Variants in AGBL1 observed in about 807,000 individuals in gnomAD.
The protein encoded by AGBL1 is cytosolic carboxypeptidase 4.
Under a neutral mutation model 118.9 loss-of-function variants are expected in AGBL1, and 130 were observed. That is an observed-to-expected ratio of 1.09 (90% CI 0.95 to 1.26). AGBL1 has a LOEUF of 1.26. Ranked by LOEUF, AGBL1 falls within the 50% of genes most tolerant of loss-of-function variation. The probability of loss-of-function intolerance (pLI) is 0.00; values close to 1 mark genes in which losing one functional copy is unlikely to be tolerated. For synonymous variants in AGBL1, 555 were observed against 478.9 expected (o/e 1.16, Z -2.08); for missense variants, 1,584 against 1,298.1 (o/e 1.22, Z -3.38).
At chr15:86,088,830 G>A (rs1468237574) in intron 1 of AGBL1, among the ~76,000 whole-genome samples, 4 of 151,998 alleles carry the variant, frequency 2.6e-5, no homozygotes, top group Non-Finnish European at 5.9e-5. Context: ...ATTAGCTACC[G>A]GGTCACTGTA....
chr15:86,260,137 T>C (rs757852848), intron 9 of AGBL1, among the ~76,000 whole-genome samples: 3 of 152,184 alleles, frequency 2.0e-5, no homozygotes, highest in Non-Finnish European at 4.4e-5. Context: ...AGGGCTCAAA[T>C]TGGAGGCACA....
chr15:86,702,673 C>T (rs969526292), intron 22 of AGBL1, among the ~76,000 whole-genome samples: 1 of 152,116 alleles, frequency 6.6e-6, no homozygotes, highest in Non-Finnish European at 1.5e-5. Flanking sequence ...TTTCTCTCTC[C>T]ACCTTTAAAC....
At chr15:86,094,867 T>C (rs1419938474) in intron 1 of AGBL1, among the ~76,000 whole-genome samples, 4 of 152,184 alleles carry the variant, frequency 2.6e-5, no homozygotes, top group Admixed American at 6.5e-5. Context: ...ATTCTGATCC[T>C]AACTACCTGG....
At chr15:86,511,026 G>A (rs1193996528) in intron 18 of AGBL1, among the ~76,000 whole-genome samples, 1 of 152,048 alleles carries the variant, frequency 6.6e-6, no homozygotes, top group East Asian at 1.9e-4. Flanking sequence ...ATTCACTGCT[G>A]TAATCCTCAG....
chr15:86,202,882 A>G (rs1249115757), intron 5 of AGBL1, among the ~76,000 whole-genome samples: 2 of 152,118 alleles, frequency 1.3e-5, no homozygotes, highest in Non-Finnish European at 2.9e-5. Context: ...GGGGTTTAAG[A>G]TTGCATAAGG....
intron 20 of AGBL1, among the ~76,000 whole-genome samples, chr15:86,553,256 G>A (rs1393006607): frequency 1.3e-5 from 2 of 152,096 alleles, no homozygotes; most frequent in African/African-American, 2.4e-5. Flanking sequence ...GGGACTAATC[G>A]CAGTATTTCT....
intron 22 of AGBL1, among the ~76,000 whole-genome samples, chr15:86,868,200 G>A (rs2079661934): frequency 6.6e-6 from 1 of 152,206 alleles, no homozygotes. Flanking sequence ...TAGGCAAGAA[G>A]CAAAGGAACA....
chr15:86,185,251 G>A (rs185328737), intron 5 of AGBL1, among the ~76,000 whole-genome samples: 4,763 of 152,042 alleles, frequency 0.031, 113 homozygotes, highest in East Asian at 0.072. Context: ...AAAAGTCAGG[G>A]AACAACAGGT....
chr15:86,874,261 A>T (rs958150974), intron 22 of AGBL1, among the ~76,000 whole-genome samples: 1 of 152,124 alleles, frequency 6.6e-6, no homozygotes, highest in African/African-American at 2.4e-5. Flanking sequence ...AAAAGAAAAA[A>T]ATAAAAACTA....
In AGBL1 at chr15:86,192,080, C is replaced by T. The variant is rs1172269303; in HGVS notation, c.489-32834C>T. 2.0e-5 allele frequency among the ~76,000 whole-genome samples: 3 copies of T among 151,656 alleles called. No individual in the cohort carries two copies. In the East Asian group the frequency reaches 5.8e-4, roughly 29 times the overall value. ...TGCCACTGTACTCTGTCCTGGGTGG[C>T]AGATGGAGATCCTGTCTCTCCCACT... On this transcript the variant is annotated intron_variant, in intron 5 of 22. Coordinates refer to ENST00000614907, the MANE Select transcript of AGBL1 (RefSeq NM_001386094.1).
At chr15:86,992,770 A>AT (rs1237574369) in intron 24 of AGBL1, among the ~76,000 whole-genome samples, 7 of 151,890 alleles carry the variant, frequency 4.6e-5, no homozygotes, top group African/African-American at 1.7e-4. Context: ...AGCCTGCTCA[A>AT]TATCAACAAT....
intron 22 of AGBL1, among the ~76,000 whole-genome samples, chr15:86,875,048 A>G (rs2079787455): frequency 6.6e-6 from 1 of 152,194 alleles, no homozygotes; most frequent in African/African-American, 2.4e-5. Context: ...AACCAGGACC[A>G]TGGGTTTAGA....
intron 3 of AGBL1, among the ~76,000 whole-genome samples, chr15:86,147,416 G>A (rs1379212616): frequency 6.6e-6 from 1 of 152,206 alleles, no homozygotes; most frequent in Admixed American, 6.5e-5. Flanking sequence ...CTTAAATACT[G>A]CACTTTTCCC....
intron 18 of AGBL1, among the ~76,000 whole-genome samples, chr15:86,431,374 G>A (rs150397907): frequency 4.4e-3 from 673 of 152,182 alleles, no homozygotes; most frequent in Non-Finnish European, 6.7e-3. Context: ...ACCTATACAC[G>A]TGGACAGCTA....
chr15:86,530,221 GT>G, intron 19 of AGBL1, among the ~76,000 whole-genome samples: 1 of 136,644 alleles, frequency 7.3e-6, no homozygotes, highest in South Asian at 2.2e-4. Flanking sequence ...CCCATCTCAC[GT>G]GCAGAGACAC....
At chr15:86,798,737 C>T (rs17643574) in intron 22 of AGBL1, among the ~76,000 whole-genome samples, 59,456 of 147,668 alleles carry the variant, frequency 0.4, 13,490 homozygotes, top group Non-Finnish European at 0.53. Context: ...GGACCGGCAA[C>T]TAGATCTGCT....
chr15:86,261,624 T>C lies in AGBL1; in HGVS notation c.970-1154T>C, dbSNP rs533099299. On this transcript the variant is annotated intron_variant, in intron 9 of 22. Coordinates refer to ENST00000614907, the MANE Select transcript of AGBL1 (RefSeq NM_001386094.1). The stretch of plus-strand genomic sequence containing the variant: ...TGTAAAACATATGGTATTTTTTTTT[T>C]CTCTATTTCATTAAGGAAACTTAAT... Among the ~76,000 whole-genome samples, 43 of 151,836 alleles carry C rather than the reference T, an allele frequency of 2.8e-4. 2 individuals are homozygous for C. In the South Asian group the frequency reaches 6.9e-3, roughly 24 times the overall value.
chr15:86,843,040 A>G (rs545380771), intron 22 of AGBL1, among the ~76,000 whole-genome samples: 2 of 152,186 alleles, frequency 1.3e-5, no homozygotes, highest in African/African-American at 2.4e-5. Flanking sequence ...TGGGACATTC[A>G]AGGTAGATTT....
intron 24 of AGBL1, among the ~76,000 whole-genome samples, chr15:87,011,871 A>T (rs1190592567): frequency 1.3e-5 from 2 of 152,182 alleles, no homozygotes; most frequent in Non-Finnish European, 2.9e-5. Context: ...TTTCTAATTA[A>T]TTGGACTTTA....
Sources: gnomAD v4.1 joint callset for allele counts (sites outside exome capture counted in the v4.1 genomes callset) on GRCh38, gnomAD v4.1.1 for gene constraint, MANE v1.5 for transcripts, NCBI Gene and HGNC (gene_info 2026-07-23, HGNC 2026-07-21) for gene names.